The following MAN2B2 variants were observed in gnomAD, a reference collection of about 807,000 sequenced individuals.
The protein encoded by MAN2B2 is epididymis-specific alpha-mannosidase.
A neutral mutation model predicts 117.1 loss-of-function variants in MAN2B2; 106 were observed. The ratio of observed to expected loss-of-function variants is 0.90; its 90% CI spans 0.77 to 1.06. The LOEUF (loss-of-function observed/expected upper bound fraction) is 1.06, where lower values mean the gene tolerates loss of function less well. MAN2B2 is among the 50% of genes least tolerant of loss of function. The pLI is 0.00. For missense variants in MAN2B2, 1,326 were observed against 1,381.4 expected (o/e 0.96, Z 0.64); for synonymous variants, 544 against 595.1 (o/e 0.91, Z 1.25).
chr4:6,604,283 T>C (rs1217716158), intron 10 of MAN2B2, among the ~76,000 whole-genome samples: 2 of 152,084 alleles, frequency 1.3e-5, no homozygotes, highest in African/African-American at 4.8e-5. Flanking sequence ...CTTTGGTTGC[T>C]GCAGTGGATG....
intron 9 of MAN2B2, 103 bp from the exon 10 acceptor site, chr4:6,600,520 T>G: frequency 7.2e-7 from 1 of 1,393,614 alleles, no homozygotes; most frequent in Non-Finnish European, 9.9e-7. Flanking sequence ...GAGGGCTGCA[T>G]CTCACCTACC....
rs75206848 is a variant in MAN2B2 at position 6,611,847 on chromosome 4, G to A, written c.2563+569G>A. ...CTGAATCTAGGTGTGCTGTCACCAG[G>A]TGGGGGTCTTTCTAATCTATAGTCT... On this transcript the variant is annotated intron_variant, in intron 15 of 18. Transcript: ENST00000285599. Among the ~76,000 whole-genome samples the A allele has an allele frequency of 2.8e-4, 43 of 152,290 alleles. 1 individual carries two copies. In the East Asian group the frequency reaches 7.9e-3, roughly 28 times the overall value.
At position 6,621,190 on chromosome 4, in the gene MAN2B2, GA is replaced by G; in HGVS notation, c.2936del (p.Asp979AlafsTer136). The G allele has an allele frequency of 6.2e-7, 1 of 1,613,488 alleles. No individual in the cohort carries two copies. Among genetic ancestry groups the G allele is most frequent in the East Asian group, 2.2e-5 (1 of 44,862 alleles). ...WRTGPGRHRGDTTSPSRPPGG... is the reference protein window; with the variant it reads ...WRTGPGRHRGXTTSPSRPPGG... ...ACAGATCACCTCTGTTCCCCTAGGT[GA>G]CACCACCTCTCCCTCGAGGCCACCA... On this transcript the variant is annotated frameshift_variant, in exon 19 of 19. Coordinates refer to ENST00000285599, the MANE Select transcript of MAN2B2 (RefSeq NM_015274.3). LOFTEE classifies it low-confidence loss of function (END_TRUNC).
rs772673815 is a variant in MAN2B2 at position 6,597,266 on chromosome 4, T to A, written c.1211T>A (p.Leu404Gln). ...PRGHLDPTWALQQLQQLRWAV... is the reference protein window; with the variant it reads ...PRGHLDPTWAQQQLQQLRWAV... ...GGGCATCTGGACCCCACCTGGGCCC[T>A]GCAGCAGCTCCAGCAGCTTCGCTGG... The change falls in exon 8 of 19, where the codon CTG (leucine) becomes CAG (glutamine). Residue 404 changes from leucine (L) to glutamine (Q), a missense_variant. Transcript: ENST00000285599. The A allele has an allele frequency of 1.3e-6, 2 of 1,578,400 alleles. No individual in the cohort carries two copies. The highest frequency in any genetic ancestry group is 1.7e-6 in the Non-Finnish European group (2 of 1,161,872).
chr4:6,593,195 G>T lies in MAN2B2; in HGVS notation c.703G>T (p.Val235Leu). 1 of 1,613,770 alleles carries T rather than the reference G, an allele frequency of 6.2e-7. No individual in the cohort carries two copies. Among genetic ancestry groups the T allele is most frequent in the Non-Finnish European group, 8.5e-7 (1 of 1,179,828 alleles). ...SNRSGFYWNG[V>L]AVFPKPPQDG... The stretch of plus-strand genomic sequence containing the variant: ...CAGGTCAGGATTTTACTGGAATGGC[G>T]TGGCTGTCTTCCCCAAGCCTCCCCA... The change falls in exon 6 of 19, where the codon GTG becomes TTG. Residue 235 changes from valine to leucine, a missense_variant. Val to Leu is a conservative substitution (Grantham distance 32). Transcript: ENST00000285599.
chr4:6,603,993 G>A (rs1341951268), intron 10 of MAN2B2, among the ~76,000 whole-genome samples: 1 of 152,232 alleles, frequency 6.6e-6, no homozygotes, highest in Non-Finnish European at 1.5e-5. Flanking sequence ...AGACACCTTG[G>A]AGGTGAGCAG....
chr4:6,592,306 A>T (rs1229124108), intron 5 of MAN2B2, among the ~76,000 whole-genome samples: 1 of 152,164 alleles, frequency 6.6e-6, no homozygotes, highest in Non-Finnish European at 1.5e-5. Context: ...CCTGCTCCAC[A>T]TTCTACCAGG....
At chr4:6,579,265 C>CCAT (rs1726286707) in intron 3 of MAN2B2, among the ~76,000 whole-genome samples, 1 of 91,706 alleles carries the variant, frequency 1.1e-5, no homozygotes, top group Non-Finnish European at 2.4e-5. Flanking sequence ...ATCACCACCA[C>CCAT]CACCATCACC....
At chr4:6,615,077 C>T (rs981513951) in intron 16 of MAN2B2, among the ~76,000 whole-genome samples, 1 of 152,218 alleles carries the variant, frequency 6.6e-6, no homozygotes, top group Non-Finnish European at 1.5e-5. Flanking sequence ...GTCCCCAAGG[C>T]CTGGCACACC....
intron 5 of MAN2B2, among the ~76,000 whole-genome samples, chr4:6,591,275 G>A (rs1726850081): frequency 6.6e-6 from 1 of 152,252 alleles, no homozygotes; most frequent in South Asian, 2.1e-4. Context: ...TCACCCCGTG[G>A]TGAGGGAGGG....
chr4:6,579,045 C>CCACCATCACCACCACCATCACCAT (rs1560634130), intron 3 of MAN2B2, among the ~76,000 whole-genome samples: 1 of 91,540 alleles, frequency 1.1e-5, no homozygotes. Flanking sequence ...ACCACCATCA[C>CCACCATCACCACCACCATCACCAT]CACCATCACC....
At chr4:6,586,341 G>A (rs1577275787) in intron 3 of MAN2B2, among the ~76,000 whole-genome samples, 2 of 152,320 alleles carry the variant, frequency 1.3e-5, no homozygotes, top group South Asian at 2.1e-4. Context: ...GATGACAGGC[G>A]TGAGCCACAT....
In MAN2B2 at chr4:6,575,195, C is replaced by T. The variant is rs895050885; in HGVS notation, c.-16C>T. 1 of 1,414,082 alleles carries T rather than the reference C, an allele frequency of 7.1e-7. No individual in the cohort carries two copies. Among genetic ancestry groups the T allele is most frequent in the Admixed American group, 2.0e-5 (1 of 49,806 alleles). 87.6% of individuals were successfully genotyped at this position (1,414,082 alleles called of 1,614,324 possible). On this transcript the variant is annotated 5_prime_UTR_variant, in exon 1 of 19. Coordinates refer to ENST00000285599, the MANE Select transcript of MAN2B2 (RefSeq NM_015274.3). Reference sequence around the variant, plus strand: ...ACCCGGAAGTGGGCCTGGCACCTTCCCGGCCTGCCGCAGGGATGGGGCAGC... The same window carrying T: ...ACCCGGAAGTGGGCCTGGCACCTTCTCGGCCTGCCGCAGGGATGGGGCAGC...
Position 6,605,309 on chromosome 4 carries a change from G to A in MAN2B2, c.1794G>A (p.Leu598=). 1.4e-5 allele frequency: 23 copies of A among 1,611,412 alleles called. No individual in the cohort carries two copies. Among genetic ancestry groups the A allele is most frequent in the Non-Finnish European group, 2.0e-5 (23 of 1,177,852 alleles). Residue 598 remains leucine (L), a synonymous_variant, in exon 11 of 19, where the codon CTG becomes CTA. Coordinates refer to ENST00000285599, the MANE Select transcript of MAN2B2 (RefSeq NM_015274.3). ...YIVLLDQDTN[L]MHSIWERQSN... ...TGCTGCTCGACCAGGATACCAACCT[G>A]ATGCACAGCATCTGGGAGAGGTAAG...
chr4:6,599,051 C>T (rs1428349416), intron 9 of MAN2B2, among the ~76,000 whole-genome samples: 1 of 152,226 alleles, frequency 6.6e-6, no homozygotes, highest in African/African-American at 2.4e-5. Context: ...GTGCATAGGC[C>T]GCCAGGTCCC....
At chr4:6,615,016 C>T (rs1240916132) in intron 16 of MAN2B2, among the ~76,000 whole-genome samples, 6 of 152,254 alleles carry the variant, frequency 3.9e-5, no homozygotes, top group Non-Finnish European at 8.8e-5. Context: ...GCCCCCTCTA[C>T]ACCGTGAGCA....
intron 3 of MAN2B2, among the ~76,000 whole-genome samples, chr4:6,579,267 AC>A: frequency 8.8e-6 from 1 of 113,208 alleles, no homozygotes; most frequent in Non-Finnish European, 1.9e-5. Context: ...CACCACCACC[AC>A]CATCACCACC....
intron 7 of MAN2B2, among the ~76,000 whole-genome samples, chr4:6,596,168 G>A (rs1412917443): frequency 6.6e-6 from 1 of 151,078 alleles, no homozygotes; most frequent in Non-Finnish European, 1.5e-5. Context: ...TGGTATCCAG[G>A]CGGGTGTGGG....
chr4:6,595,302 C>T (rs1274894992), intron 7 of MAN2B2, among the ~76,000 whole-genome samples: 5 of 152,204 alleles, frequency 3.3e-5, no homozygotes, highest in African/African-American at 7.2e-5. Context: ...TGTGGTGCCT[C>T]GTGCATAGAT....
Sources: allele counts gnomAD v4.1 joint callset (sites outside exome capture counted in the v4.1 genomes callset), GRCh38; gene constraint gnomAD v4.1.1; transcripts MANE v1.5; gene names NCBI Gene and HGNC (gene_info 2026-07-23, HGNC 2026-07-21).